The following PIEZO2 variants were observed in gnomAD, a reference collection of about 807,000 sequenced individuals.
PIEZO2 encodes piezo-type mechanosensitive ion channel component 2.
Under a neutral mutation model 337.3 loss-of-function variants are expected in PIEZO2, and 172 were observed. The ratio of observed to expected loss-of-function variants is 0.51; its 90% CI spans 0.45 to 0.58. PIEZO2 has a LOEUF of 0.58. Ranked by LOEUF, PIEZO2 falls within the 20% of genes least tolerant of loss-of-function variation. PIEZO2 has a pLI of 0.00. For missense variants in PIEZO2, 3,028 were observed against 3,391.3 expected (o/e 0.89, Z 2.66); for synonymous variants, 1,251 against 1,228.5 (o/e 1.02, Z -0.38).
chr18:11,111,646 C>G lies in PIEZO2; in HGVS notation c.64+36879G>C, dbSNP rs2039739979. 6.6e-6 allele frequency among the ~76,000 whole-genome samples: 1 copy of G among 152,134 alleles called. No homozygotes were observed. The highest frequency in any genetic ancestry group is 2.1e-4 in the South Asian group (1 of 4,822). ...CTTCTCCTGCCACCCCCAACTTCCT[C>G]TCTCCTGTGCTCACATGACATCCAA... is the stretch of plus-strand genomic sequence containing the variant. On this transcript the variant is annotated intron_variant, in intron 1 of 55. Coordinates refer to ENST00000674853, the MANE Select transcript of PIEZO2 (RefSeq NM_001378183.1). This position sits in a 1 kb window ranked among gnomAD's most constrained non-coding sequence, Gnocchi z 6.2.
At chr18:11,076,363 G>C (rs1332043617) in intron 1 of PIEZO2, among the ~76,000 whole-genome samples, 1 of 152,124 alleles carries the variant, frequency 6.6e-6, no homozygotes, top group Non-Finnish European at 1.5e-5. Flanking sequence ...ATAAGGACTT[G>C]TATTAGAAAA....
chr18:10,852,710 A>G (rs750826870), intron 7 of PIEZO2, among the ~76,000 whole-genome samples: 7 of 152,194 alleles, frequency 4.6e-5, no homozygotes, highest in African/African-American at 7.2e-5. Context: ...TTTCTCAACA[A>G]GAAGACAAAA....
At chr18:10,731,215 A>ATATATATATATC (rs1290190163) in intron 36 of PIEZO2, among the ~76,000 whole-genome samples, 192 bp downstream of exon 36, 4 of 128,736 alleles carry the variant, frequency 3.1e-5, no homozygotes, top group African/African-American at 1.2e-4. Flanking sequence ...ATATATATAT[A>ATATATATATATC]TATCTCCTAA....
intron 54 of PIEZO2, 52 bp downstream of exon 54, chr18:10,675,157 G>T: frequency 7.7e-7 from 1 of 1,291,356 alleles, no homozygotes; most frequent in South Asian, 1.3e-5. Flanking sequence ...TGTTGAAATT[G>T]AATAAAACTA....
Position 11,070,443 on chromosome 18 carries a change from C to T in PIEZO2, c.65-4221G>A, listed in dbSNP as rs1309506733. 1.3e-5 allele frequency among the ~76,000 whole-genome samples: 2 copies of T among 151,974 alleles called. No homozygotes were observed. The highest frequency in any genetic ancestry group is 6.6e-5 in the Admixed American group (1 of 15,252). On this transcript the variant is annotated intron_variant, in intron 1 of 55. Coordinates refer to ENST00000674853, the MANE Select transcript of PIEZO2 (RefSeq NM_001378183.1). This position sits in a 1 kb window ranked among gnomAD's most constrained non-coding sequence, Gnocchi z 4.3. ...AAGGAAAGAACACTAAAGAGAGGCA[C>T]GAAGGAGGCAGGTGTTTGTCTTAGC...
chr18:10,938,624 A>G (rs2032533107), intron 3 of PIEZO2, among the ~76,000 whole-genome samples: 2 of 152,252 alleles, frequency 1.3e-5, no homozygotes, highest in Admixed American at 6.5e-5. Flanking sequence ...TTGTTCTAAT[A>G]GATGATTATA....
At chr18:10,680,934 A>T (rs2034237927) in intron 51 of PIEZO2, among the ~76,000 whole-genome samples, 1 of 152,260 alleles carries the variant, frequency 6.6e-6, no homozygotes, top group African/African-American at 2.4e-5. Flanking sequence ...GAATATAGAC[A>T]AGAGAATAAC....
At position 10,759,015 on chromosome 18, in the gene PIEZO2, C is replaced by T. The variant is rs1300396159; in HGVS notation, c.3757+467G>A. On this transcript the variant is annotated intron_variant, in intron 26 of 55. Transcript: ENST00000674853. The surrounding 1 kb of genome is among the most constrained non-coding windows in gnomAD (Gnocchi z 5.5). ...AGGAGCTGCTCTGACCTTTGGATCA[C>T]CAGCTGCCATGGGAAGGCCTTGGGG... Among the ~76,000 whole-genome samples the T allele has an allele frequency of 6.6e-6, 1 of 152,182 alleles. No individual in the cohort carries two copies. Among genetic ancestry groups the T allele is most frequent in the Non-Finnish European group, 1.5e-5 (1 of 68,038 alleles).
In PIEZO2 at chr18:11,070,001, T is replaced by C. The variant is rs987966392; in HGVS notation, c.65-3779A>G. 6.6e-6 allele frequency among the ~76,000 whole-genome samples: 1 copy of C among 152,130 alleles called. No homozygotes were observed. Among genetic ancestry groups the C allele is most frequent in the African/African-American group, 2.4e-5 (1 of 41,432 alleles). On this transcript the variant is annotated intron_variant, in intron 1 of 55. Coordinates refer to ENST00000674853, the MANE Select transcript of PIEZO2 (RefSeq NM_001378183.1). This position sits in a 1 kb window ranked among gnomAD's most constrained non-coding sequence, Gnocchi z 4.3. ...ATGGAAGAATATAAAACATTGATAA[T>C]AGAAATTGAAGAAGACACAAATACA... is the stretch of plus-strand genomic sequence containing the variant.
At chr18:10,769,952 C>G in intron 21 of PIEZO2, 196 bp downstream of exon 21, 2 of 539,206 alleles carry the variant, frequency 3.7e-6, no homozygotes, top group South Asian at 3.6e-5. Flanking sequence ...CAACGAGAAA[C>G]TCAGCCACGA....
intron 46 of PIEZO2, 36 bp downstream of exon 46, chr18:10,696,356 G>T (rs768966326): frequency 6.2e-7 from 1 of 1,614,080 alleles, no homozygotes; most frequent in Non-Finnish European, 8.5e-7. Flanking sequence ...ATCGCCATGG[G>T]TCAGGGCGGG....
chr18:10,801,791 A>G (rs1044487412), intron 9 of PIEZO2, among the ~76,000 whole-genome samples: 10 of 152,232 alleles, frequency 6.6e-5, no homozygotes, highest in African/African-American at 2.2e-4. Flanking sequence ...AATTTTCATA[A>G]TAAAGAAAAA....
chr18:10,770,061 T>C (rs2038533527), intron 21 of PIEZO2, 87 bp downstream of exon 21: 3 of 1,387,162 alleles, frequency 2.2e-6, no homozygotes, highest in Non-Finnish European at 2.9e-6. Context: ...GCGGATCACA[T>C]TAAAAAAATC....
chr18:10,823,003 A>C (rs1005213162), intron 7 of PIEZO2, among the ~76,000 whole-genome samples: 1 of 152,196 alleles, frequency 6.6e-6, no homozygotes, highest in Non-Finnish European at 1.5e-5. Flanking sequence ...AATATCTCTT[A>C]ATACTAAGAT....
rs74713399 is a variant in PIEZO2 at position 10,759,921 on chromosome 18, T to A, written c.3451-12A>T. 1.8e-5 allele frequency: 28 copies of A among 1,530,264 alleles called. No homozygotes were observed. In the Admixed American group the frequency reaches 3.4e-4, roughly 18 times the overall value. The allele number at this position is 1,530,264 out of a possible 1,614,324, so 94.8% of individuals were successfully genotyped here. A position where few individuals can be genotyped will look rare whatever the true frequency, so the allele number is the denominator to read the frequency against. On this transcript the variant is annotated splice_polypyrimidine_tract_variant and intron_variant, in intron 24 of 55. Transcript: ENST00000674853. The surrounding 1 kb of genome is among the most constrained non-coding windows in gnomAD (Gnocchi z 5.5). ...ATTAGGAAACAGGTCTGTGTAAAGA[T>A]GAAAAGAGGCAAAAAAAAAAAATCA... is the stretch of plus-strand genomic sequence containing the variant.
At chr18:10,762,837 T>C in intron 22 of PIEZO2, 85 bp downstream of exon 22, 1 of 1,446,610 alleles carries the variant, frequency 6.9e-7, no homozygotes, top group Non-Finnish European at 9.2e-7. Context: ...TCAGGCCAAA[T>C]GTGCTTGGGG....
chr18:10,787,115 C>T lies in PIEZO2; in HGVS notation c.2239G>A (p.Val747Met). Residue 747 changes from valine (V) to methionine (M), a missense_variant, in exon 16 of 56, where the codon GTG becomes ATG. Coordinates refer to ENST00000674853, the MANE Select transcript of PIEZO2 (RefSeq NM_001378183.1). Reference sequence around the variant, plus strand: ...TGATATGTGTATATAAAGATAAGCACCAGCATAGTGTAAATAACCACTGAC... The same window carrying T: ...TGATATGTGTATATAAAGATAAGCATCAGCATAGTGTAAATAACCACTGAC... ...WMSVVIYTML[V>M]LIFIYTYQFE... 7.8e-6 allele frequency: 12 copies of T among 1,535,842 alleles called. No homozygotes were observed. The highest frequency in any genetic ancestry group is 9.6e-6 in the Non-Finnish European group (11 of 1,146,046).
At chr18:11,034,349 G>A (rs1339246003) in intron 2 of PIEZO2, among the ~76,000 whole-genome samples, 1 of 151,272 alleles carries the variant, frequency 6.6e-6, no homozygotes, top group Non-Finnish European at 1.5e-5. Context: ...AGGCTGGAGT[G>A]CAATGGTGCG....
At chr18:11,042,678 C>A (rs556152508) in intron 2 of PIEZO2, among the ~76,000 whole-genome samples, 2 of 152,290 alleles carry the variant, frequency 1.3e-5, no homozygotes, top group African/African-American at 4.8e-5. Context: ...GGAGGCTACC[C>A]ATTAGAAAGG....
Sources: allele counts gnomAD v4.1 joint callset (sites outside exome capture counted in the v4.1 genomes callset), GRCh38; gene constraint gnomAD v4.1.1; non-coding constraint Gnocchi (gnomAD v3.1); transcripts MANE v1.5; gene names NCBI Gene and HGNC (gene_info 2026-07-23, HGNC 2026-07-21).